Variants in TG observed in about 807,000 individuals in gnomAD.
The protein encoded by TG is thyroid hormones.
A neutral mutation model predicts 324.7 loss-of-function variants in TG; 270 were observed. The ratio of observed to expected loss-of-function variants is 0.83; its 90% CI spans 0.75 to 0.92. The LOEUF is 0.92. Ranked by LOEUF, TG falls within the 40% of genes least tolerant of loss-of-function variation. TG has a pLI of 0.00. For synonymous variants in TG, 1,401 were observed against 1,327.0 expected, an observed-to-expected ratio of 1.06 and a Z score of -1.21; for missense variants, 3,591 against 3,456.4, an observed-to-expected ratio of 1.04 and a Z score of -0.98.
At chr8:133,083,672 A>C (rs2739169) in intron 41 of TG, among the ~76,000 whole-genome samples, 3 of 152,036 alleles carry the variant, frequency 2.0e-5, no homozygotes, top group Non-Finnish European at 4.4e-5. Context: ...AAAGCCCATG[A>C]TCTCTCTATT....
intron 26 of TG, among the ~76,000 whole-genome samples, chr8:132,947,230 T>C (rs1825451124): frequency 6.6e-6 from 1 of 152,184 alleles, no homozygotes; most frequent in African/African-American, 2.4e-5. Context: ...TCCATGGTGC[T>C]CTTTACAAAC....
At chr8:133,093,763 G>A (rs1847957966) in intron 41 of TG, among the ~76,000 whole-genome samples, 1 of 152,176 alleles carries the variant, frequency 6.6e-6, no homozygotes, top group African/African-American at 2.4e-5. Context: ...AACCTACCAG[G>A]TGTATGAAAG....
At chr8:132,884,092 C>T (rs1815052131) in intron 8 of TG, among the ~76,000 whole-genome samples, 1 of 152,206 alleles carries the variant, frequency 6.6e-6, no homozygotes, top group Admixed American at 6.5e-5. Context: ...GTCTTCTCCT[C>T]TTCTTACAAG....
At chr8:132,895,918 C>T (rs976700193) in intron 11 of TG, among the ~76,000 whole-genome samples, 1 of 152,236 alleles carries the variant, frequency 6.6e-6, no homozygotes, top group Non-Finnish European at 1.5e-5. Context: ...GCCACATGCT[C>T]CGCTTTGCAT....
intron 41 of TG, among the ~76,000 whole-genome samples, chr8:133,048,191 C>T (rs999088825): frequency 2.0e-5 from 3 of 152,110 alleles, no homozygotes; most frequent in Admixed American, 6.5e-5. Context: ...TCCATAACCA[C>T]CTCACTTCAC....
chr8:132,901,371 T>C lies in TG; in HGVS notation c.3452T>C (p.Val1151Ala), dbSNP rs1208511851. The change falls in exon 16 of 48, where the codon GTG becomes GCG. Residue 1151 changes from valine to alanine, a missense_variant. Transcript: ENST00000220616. ...GTGTCAGGCCCAAGCCTCTGCAATG[T>C]GCTCAAGAGTGGAGTCCTCTCCAGG... ...SSAQCPSLCN[V>A]LKSGVLSRRV... 6.2e-7 allele frequency: 1 copy of C among 1,614,034 alleles called. No homozygotes were observed. The highest frequency in any genetic ancestry group is 8.5e-7 in the Non-Finnish European group (1 of 1,180,048).
chr8:133,112,001 G>A (rs1033332616), intron 43 of TG, among the ~76,000 whole-genome samples: 14 of 152,200 alleles, frequency 9.2e-5, no homozygotes, highest in African/African-American at 3.4e-4. Flanking sequence ...TGTTCACCCA[G>A]GAGTGGCTAC....
At chr8:133,096,059 C>A in intron 42 of TG, 147 bp from the exon 43 acceptor site, 2 of 940,986 alleles carry the variant, frequency 2.1e-6, no homozygotes, top group South Asian at 2.8e-5. Flanking sequence ...ACATGGTGTC[C>A]TGCCTGCCAG....
At chr8:133,024,358 CTTT>C (rs1835853075) in intron 40 of TG, among the ~76,000 whole-genome samples, 1 of 126,206 alleles carries the variant, frequency 7.9e-6, no homozygotes, top group Admixed American at 7.9e-5. Flanking sequence ...TTCTTTCTTT[CTTT>C]CTTTCTTTCT....
intron 22 of TG, 55 bp from the exon 23 acceptor site, chr8:132,929,021 T>C: frequency 7.0e-7 from 1 of 1,436,480 alleles, no homozygotes; most frequent in Non-Finnish European, 9.8e-7. Context: ...ATGGCTTCTC[T>C]GCAGATGCCC....
chr8:132,956,470 A>T (rs1190534323), intron 27 of TG, among the ~76,000 whole-genome samples: 17 of 152,192 alleles, frequency 1.1e-4, no homozygotes, highest in Admixed American at 6.5e-5. Context: ...CCAGCTGGAG[A>T]GCTCAGGGAA....
At chr8:133,070,620 T>G (rs964940384) in intron 41 of TG, among the ~76,000 whole-genome samples, 1 of 152,188 alleles carries the variant, frequency 6.6e-6, no homozygotes, top group African/African-American at 2.4e-5. Context: ...ACAAGGCTTG[T>G]TCAGGGCTGG....
At chr8:133,045,131 G>A (rs1323492453) in intron 41 of TG, 3 of 1,613,774 alleles carry the variant, frequency 1.9e-6, no homozygotes, top group Admixed American at 3.3e-5. Flanking sequence ...GGAGGTGGAG[G>A]ATAAGTCAGT....
intron 39 of TG, among the ~76,000 whole-genome samples, chr8:133,021,514 T>A (rs1229515995): frequency 6.6e-6 from 1 of 152,196 alleles, no homozygotes; most frequent in African/African-American, 2.4e-5. Flanking sequence ...GGTTTAATAG[T>A]TGCTCAGGCT....
chr8:132,998,007 G>A (rs1833042518), intron 35 of TG, among the ~76,000 whole-genome samples: 1 of 152,146 alleles, frequency 6.6e-6, no homozygotes, highest in Non-Finnish European at 1.5e-5. Flanking sequence ...AAGTGTCGGT[G>A]TCGAGGGACA....
In TG at chr8:132,923,361, G is replaced by A. The variant is rs200687678; in HGVS notation, c.4552G>A (p.Glu1518Lys). Reference protein sequence around the residue: ...THCVTDCQRNEAGLQCDQNGQ... With the variant: ...THCVTDCQRNKAGLQCDQNGQ... ...AGGTGTCACTGACTGTCAGAGGAAC[G>A]AAGCAGGCCTGCAATGTGACCAGAA... The change falls in exon 22 of 48, where the codon GAA becomes AAA. Residue 1518 changes from glutamate (E) to lysine (K), a missense_variant. Glu to Lys is a moderately conservative substitution (Grantham distance 56, BLOSUM62 1). Coordinates refer to ENST00000220616, the MANE Select transcript of TG (RefSeq NM_003235.5). 9.9e-6 allele frequency: 16 copies of A among 1,614,136 alleles called. No individual in the cohort carries two copies. Among genetic ancestry groups the A allele is most frequent in the African/African-American group, 4.0e-5 (3 of 75,018 alleles).
chr8:133,107,139 C>T (rs993899188), intron 43 of TG, among the ~76,000 whole-genome samples: 3 of 152,138 alleles, frequency 2.0e-5, no homozygotes, highest in African/African-American at 7.2e-5. Flanking sequence ...ATTTTATTGA[C>T]CTGAAATGAA....
chr8:132,868,815 T>C (rs1839209835), intron 2 of TG, among the ~76,000 whole-genome samples: 1 of 152,234 alleles, frequency 6.6e-6, no homozygotes, highest in South Asian at 2.1e-4. Flanking sequence ...GGTAATAATC[T>C]AGACAATTCT....
chr8:133,066,229 G>A (rs948458410), intron 41 of TG, among the ~76,000 whole-genome samples: 7 of 151,038 alleles, frequency 4.6e-5, no homozygotes, highest in Non-Finnish European at 1.0e-4. Flanking sequence ...GGGAGGCTGA[G>A]GCAAGAGAAC....
Sources: allele counts gnomAD v4.1 joint callset (sites outside exome capture counted in the v4.1 genomes callset), GRCh38; gene constraint gnomAD v4.1.1; transcripts MANE v1.5; gene names NCBI Gene and HGNC (gene_info 2026-07-23, HGNC 2026-07-21).